TPPP: variants seen among roughly 807,000 people sequenced by gnomAD.
TPPP encodes tubulin polymerization promoting protein, also known as tubulin polymerization-promoting protein.
Under a neutral mutation model 15.5 loss-of-function variants are expected in TPPP, and 6 were observed. That is an observed-to-expected ratio of 0.39 (90% CI 0.21 to 0.77). TPPP has a LOEUF of 0.77. TPPP is among the 30% of genes least tolerant of loss of function. The probability of loss-of-function intolerance (pLI) is 0.42; values close to 1 mark genes in which losing one functional copy is unlikely to be tolerated. For missense variants in TPPP, 269 were observed against 307.2 expected, an observed-to-expected ratio of 0.88 and a Z score of 0.93; for synonymous variants, 146 against 133.9, an observed-to-expected ratio of 1.09 and a Z score of -0.63.
Position 663,360 on chromosome 5 carries a change from C to T in TPPP, c.*1742G>A, listed in dbSNP as rs1739761036. The T allele has an allele frequency of 1.3e-5, 2 of 152,484 alleles. No individual in the cohort carries two copies. 9.4% of individuals were successfully genotyped at this position (152,484 alleles called of 1,614,324 possible). ...CGCCTTCCCCAGGCCGGTGAGGTGA[C>T]ATCCTAAAGGAGCCACGAAGCCTGA... On this transcript the variant is annotated 3_prime_UTR_variant, in exon 4 of 4. Coordinates refer to ENST00000360578, the MANE Select transcript of TPPP (RefSeq NM_007030.3).
chr5:693,432 C>T (rs1284046097), upstream of TPPP: 2 of 147,896 alleles, frequency 1.4e-5, no homozygotes, highest in Non-Finnish European at 3.0e-5. Context: ...CGCCCCCGGC[C>T]CCCAGCGTCC....
intron 2 of TPPP, among the ~76,000 whole-genome samples, chr5:672,536 T>C (rs991804814): frequency 1.3e-5 from 2 of 152,246 alleles, no homozygotes; most frequent in African/African-American, 4.8e-5. Context: ...CTGAGCTAGA[T>C]GGACCCATAG....
In TPPP at chr5:660,788, T is replaced by TG. The variant is rs1291105853; in HGVS notation, c.*4313dup. On this transcript the variant is annotated 3_prime_UTR_variant, in exon 4 of 4. Coordinates refer to ENST00000360578, the MANE Select transcript of TPPP (RefSeq NM_007030.3). ...AGCAGGCGGCCGCAGCAGCCCAGGA[T>TG]GGGGGCTGGGGTAGGAGGTGATGCC... The TG allele has an allele frequency of 6.6e-6, 1 of 152,274 alleles. No homozygotes were observed. Among genetic ancestry groups the TG allele is most frequent in the African/African-American group, 2.4e-5 (1 of 41,418 alleles). 9.4% of individuals were successfully genotyped at this position (152,274 alleles called of 1,614,324 possible). A position where few individuals can be genotyped will look rare whatever the true frequency, so the allele number is the denominator to read the frequency against.
chr5:665,256 G>A lies in TPPP; in HGVS notation c.506C>T (p.Thr169Ile). 7 of 1,613,776 alleles carry A rather than the reference G, an allele frequency of 4.3e-6. No homozygotes were observed. In the Admixed American group the frequency reaches 5.0e-5, roughly 12 times the overall value. The change falls in exon 4 of 4, where the codon ACC becomes ATC. Residue 169 changes from threonine (T) to isoleucine (I), a missense_variant. Coordinates refer to ENST00000360578, the MANE Select transcript of TPPP (RefSeq NM_007030.3). ...SSPTVSRLTDTTKFTGSHKER... is the reference protein window; with the variant it reads ...SSPTVSRLTDITKFTGSHKER... ...CTTGTGGGAGCCCGTGAACTTGGTGGTGTCCGTGAGCCTCGACACTGTGGG... is the reference window on the plus strand; with the variant it reads ...CTTGTGGGAGCCCGTGAACTTGGTGATGTCCGTGAGCCTCGACACTGTGGG...
intron 1 of TPPP, among the ~76,000 whole-genome samples, chr5:683,574 A>G (rs559527): frequency 0.48 from 72,841 of 151,450 alleles, 18,390 homozygotes; most frequent in South Asian, 0.57. Flanking sequence ...CTGCCCAGGA[A>G]TCCAACGTGC....
intron 1 of TPPP, among the ~76,000 whole-genome samples, chr5:687,221 G>A (rs1294555443): frequency 1.4e-5 from 2 of 141,520 alleles, no homozygotes; most frequent in African/African-American, 5.3e-5. Context: ...TGGTCTCCAG[G>A]AGGATGGGGG....
chr5:667,972 G>A (rs1406630025), intron 2 of TPPP, among the ~76,000 whole-genome samples: 1 of 55,744 alleles, frequency 1.8e-5, no homozygotes, highest in African/African-American at 2.5e-4. Flanking sequence ...GTGCGGACAA[G>A]CACACAGAGA....
At chr5:680,545 G>A (rs956004533) in intron 1 of TPPP, among the ~76,000 whole-genome samples, 19 of 147,426 alleles carry the variant, frequency 1.3e-4, no homozygotes, top group Admixed American at 8.2e-4. Flanking sequence ...CGTCACACGG[G>A]AGTGAGTCCA....
chr5:692,459 T>A lies in TPPP; in HGVS notation c.-5+819A>T, dbSNP rs372657566. On this transcript the variant is annotated intron_variant, in intron 1 of 3. Transcript: ENST00000360578. ...CAAAATAGCAGCCTCCCAACCCCTA[T>A]CAAAACAGCAGCCCCCCAAACCCCC... 28 of 608,822 alleles carry A rather than the reference T, an allele frequency of 4.6e-5. No homozygotes were observed. The East Asian group carries it at 2.6e-3, about 56-fold the overall frequency. The allele number at this position is 608,822 out of a possible 1,614,324, so 37.7% of individuals were successfully genotyped here.
At chr5:688,119 G>A (rs1358876856) in intron 1 of TPPP, among the ~76,000 whole-genome samples, 1 of 115,786 alleles carries the variant, frequency 8.6e-6, no homozygotes, top group Non-Finnish European at 1.9e-5. Context: ...AAACTGCTTG[G>A]CATCATCTGA....
intron 2 of TPPP, chr5:676,115 T>G (rs1421623076): frequency 1.3e-5 from 2 of 152,140 alleles, no homozygotes; most frequent in Non-Finnish European, 2.9e-5. Flanking sequence ...TGCAAGGCAG[T>G]CAGCTGGAGA....
chr5:677,007 C>T (rs567861692), intron 2 of TPPP, among the ~76,000 whole-genome samples: 35 of 150,262 alleles, frequency 2.3e-4, no homozygotes, highest in African/African-American at 7.3e-4. Flanking sequence ...CACGTGCACA[C>T]GCAGAAACGC....
At chr5:679,000 C>T (rs1740541156) in intron 1 of TPPP, among the ~76,000 whole-genome samples, 1 of 152,126 alleles carries the variant, frequency 6.6e-6, no homozygotes, top group Non-Finnish European at 1.5e-5. Context: ...CCAAAGGGGC[C>T]TGGACACCAG....
At chr5:665,928 C>T in intron 3 of TPPP, 42 bp downstream of exon 3, 2 of 780,354 alleles carry the variant, frequency 2.6e-6, no homozygotes, top group Non-Finnish European at 3.4e-6. Flanking sequence ...GGCCCCGCCC[C>T]CACCCCCTCC....
At chr5:683,402 C>A (rs1178546777) in intron 1 of TPPP, among the ~76,000 whole-genome samples, 1 of 152,214 alleles carries the variant, frequency 6.6e-6, no homozygotes, top group African/African-American at 2.4e-5. Flanking sequence ...TCAACCCAAA[C>A]CTTCTGTTAA....
chr5:698,138 A>G (rs1388733440), upstream of TPPP, among the ~76,000 whole-genome samples: 2 of 150,614 alleles, frequency 1.3e-5, no homozygotes, highest in African/African-American at 4.9e-5. Flanking sequence ...AATTCTCAAC[A>G]AATGAGGCAT....
chr5:696,249 G>A, upstream of TPPP, among the ~76,000 whole-genome samples: 1 of 135,698 alleles, frequency 7.4e-6, no homozygotes, highest in East Asian at 2.0e-4. Context: ...ACCAGGACAG[G>A]AGCCCAGGTC....
the TPPP span, among the ~76,000 whole-genome samples, chr5:699,150 A>G: frequency 2.6e-5 from 4 of 152,118 alleles, no homozygotes; most frequent in South Asian, 6.2e-4. Context: ...TAAAATTCAC[A>G]TGGAACCCAA....
upstream of TPPP, among the ~76,000 whole-genome samples, chr5:696,482 A>G (rs72502107): frequency 0.18 from 21,050 of 119,782 alleles, 1,678 homozygotes; most frequent in African/African-American, 0.43. Context: ...TGGGCCCCGT[A>G]GGGGTGTGTC....
Sources: allele counts gnomAD v4.1 joint callset (sites outside exome capture counted in the v4.1 genomes callset), GRCh38; gene constraint gnomAD v4.1.1; transcripts MANE v1.5; gene names NCBI Gene and HGNC (gene_info 2026-07-23, HGNC 2026-07-21).